ENTPD7: variants seen among roughly 807,000 people sequenced by gnomAD.
ENTPD7 encodes ectonucleoside triphosphate diphosphohydrolase 7, also known as NTPDase 7.
ENTPD7 carries 53 observed loss-of-function variants against 77.9 expected under a neutral mutation model. That is an observed-to-expected ratio of 0.68 (90% CI 0.55 to 0.85). The LOEUF (loss-of-function observed/expected upper bound fraction) is 0.85. Among genes scored for constraint, ENTPD7 ranks in the 40% least tolerant of loss-of-function variants. ENTPD7 has a pLI of 0.00. For synonymous variants in ENTPD7, 248 were observed against 274.9 expected (o/e 0.90, Z 0.97); for missense variants, 636 against 743.7 (o/e 0.86, Z 1.68).
intron 6 of ENTPD7, among the ~76,000 whole-genome samples, chr10:99,688,223 G>A (rs1281920976): frequency 6.6e-6 from 1 of 151,988 alleles, no homozygotes; most frequent in Admixed American, 6.5e-5. Context: ...TATCTGAGGG[G>A]GAAAAAATGG....
chr10:99,679,626 T>G, intron 4 of ENTPD7, 99 bp from the exon 5 acceptor site: 1 of 1,480,388 alleles, frequency 6.8e-7, no homozygotes, highest in Non-Finnish European at 9.1e-7. Flanking sequence ...AATAAATGTT[T>G]AGGACCTTGA....
intron 3 of ENTPD7, among the ~76,000 whole-genome samples, chr10:99,674,054 C>A (rs979051834): frequency 6.6e-6 from 1 of 152,094 alleles, no homozygotes; most frequent in African/African-American, 2.4e-5. Flanking sequence ...AAGGAAGAGG[C>A]CTTTTCAAAT....
chr10:99,661,250 G>T (rs994462834), intron 2 of ENTPD7, among the ~76,000 whole-genome samples, 196 bp from the exon 3 acceptor site: 1 of 152,116 alleles, frequency 6.6e-6, no homozygotes, highest in East Asian at 1.9e-4. Context: ...TTGGAAAAAG[G>T]GCAGATAAGG....
intron 3 of ENTPD7, among the ~76,000 whole-genome samples, chr10:99,677,193 G>C (rs1189421332): frequency 6.6e-6 from 1 of 151,918 alleles, no homozygotes; most frequent in Admixed American, 6.6e-5. Flanking sequence ...TCACTTACAT[G>C]GGCTTTTTTT....
At chr10:99,660,443 A>G in intron 2 of ENTPD7, 1 of 980,140 alleles carries the variant, frequency 1.0e-6, no homozygotes, top group Non-Finnish European at 1.4e-6. Context: ...CAATAAGGGA[A>G]AGTTATAAAA....
Position 99,710,956 on chromosome 10 carries a change from C to A in ENTPD7, c.*6273C>A. The A allele has an allele frequency of 1.0e-6, 1 of 985,278 alleles. No individual in the cohort carries two copies. Among genetic ancestry groups the A allele is most frequent in the Non-Finnish European group, 1.2e-6 (1 of 829,830 alleles). 61.0% of individuals were successfully genotyped at this position (985,278 alleles called of 1,614,324 possible). A position where few individuals can be genotyped will look rare whatever the true frequency, so the allele number is the denominator to read the frequency against. On this transcript the variant is annotated 3_prime_UTR_variant, in exon 13 of 13. Transcript: ENST00000370489. ...GACCTTTGAAAATATTAAGGGAAAT[C>A]TATTTAATCCTATAGGTATGTGATG...
intron 3 of ENTPD7, among the ~76,000 whole-genome samples, chr10:99,664,450 C>CTTT (rs1209558702): frequency 7.6e-6 from 1 of 131,310 alleles, no homozygotes; most frequent in Non-Finnish European, 1.7e-5. Context: ...TTTACATTTT[C>CTTT]TTTTTTTTTT....
chr10:99,703,770 T>C (rs1404165333), intron 12 of ENTPD7, among the ~76,000 whole-genome samples: 1 of 152,182 alleles, frequency 6.6e-6, no homozygotes, highest in Admixed American at 6.5e-5. Context: ...AGGCTGAGTG[T>C]GGTGGCAGTG....
intron 3 of ENTPD7, among the ~76,000 whole-genome samples, chr10:99,672,831 G>A (rs2035633023): frequency 6.6e-6 from 1 of 152,186 alleles, no homozygotes; most frequent in Non-Finnish European, 1.5e-5. Flanking sequence ...CAAAGAATTA[G>A]TAGCCCCATA....
At position 99,698,774 on chromosome 10, in the gene ENTPD7, C is replaced by A; in HGVS notation, c.1251C>A (p.Gly417=). 6.2e-7 allele frequency: 1 copy of A among 1,614,234 alleles called. No individual in the cohort carries two copies. The highest frequency in any genetic ancestry group is 8.5e-7 in the Non-Finnish European group (1 of 1,180,050). ...ACTTCAACAACAGCGAGTTCTACGG[C>A]TTCTCTGAGTTTTTTTATTGTACAG... ...PIDFNNSEFY[G]FSEFFYCTED... The change falls in exon 10 of 13, where the codon GGC becomes GGA. Residue 417 remains glycine, a synonymous_variant. Coordinates refer to ENST00000370489, the MANE Select transcript of ENTPD7 (RefSeq NM_020354.5).
Position 99,710,346 on chromosome 10 carries a change from T to A in ENTPD7, c.*5663T>A, listed in dbSNP as rs1029593893. ...TGAAATTCTCATTCCACAATTACCC[T>A]TTAGTTGAAGTCCTGAAGTACATGC... On this transcript the variant is annotated 3_prime_UTR_variant, in exon 13 of 13. Transcript: ENST00000370489. The A allele has an allele frequency of 1.2e-5, 12 of 985,300 alleles. No homozygotes were observed. The African/African-American group carries it at 1.7e-4, about 14-fold the overall frequency. The allele number at this position is 985,300 out of a possible 1,614,324, so 61.0% of individuals were successfully genotyped here.
At chr10:99,679,647 AT>A in intron 4 of ENTPD7, 77 bp from the exon 5 acceptor site, 1 of 1,519,614 alleles carries the variant, frequency 6.6e-7, no homozygotes, top group Non-Finnish European at 8.8e-7. Flanking sequence ...GGAGAACTTT[AT>A]AGGGTATCAG....
intron 3 of ENTPD7, among the ~76,000 whole-genome samples, chr10:99,665,566 G>A (rs2035538855): frequency 6.6e-6 from 1 of 152,156 alleles, no homozygotes; most frequent in Non-Finnish European, 1.5e-5. Context: ...GCCACTATGT[G>A]CAGACGATAA....
chr10:99,668,088 C>T (rs984560147), intron 3 of ENTPD7, among the ~76,000 whole-genome samples: 1 of 151,832 alleles, frequency 6.6e-6, no homozygotes, highest in Non-Finnish European at 1.5e-5. Flanking sequence ...GTGCGCACCA[C>T]CATGCCCGGC....
At chr10:99,660,368 A>T in intron 2 of ENTPD7, 1 of 1,157,592 alleles carries the variant, frequency 8.6e-7, no homozygotes, top group Middle Eastern at 2.5e-4. Flanking sequence ...ACAGATGAAT[A>T]CACTTATCCA....
chr10:99,681,899 G>C (rs1477529692), intron 5 of ENTPD7, among the ~76,000 whole-genome samples: 1 of 152,194 alleles, frequency 6.6e-6, no homozygotes, highest in Non-Finnish European at 1.5e-5. Flanking sequence ...TTGCTGTTGA[G>C]TTGTAGGAGT....
intron 10 of ENTPD7, among the ~76,000 whole-genome samples, chr10:99,700,502 CTGTTT>C (rs1304523791): frequency 2.0e-5 from 3 of 151,550 alleles, no homozygotes; most frequent in Non-Finnish European, 4.4e-5. Context: ...GAATTTTTGT[CTGTTT>C]TATTTACTGC....
chr10:99,710,168 A>G lies in ENTPD7; in HGVS notation c.*5485A>G, dbSNP rs2036337095. Reference sequence around the variant, plus strand: ...TTCTCCACTCCAAGGCAGCCCTGGTACTTTCCTAAGTGGCCCCTCCTACAG... The same window carrying G: ...TTCTCCACTCCAAGGCAGCCCTGGTGCTTTCCTAAGTGGCCCCTCCTACAG... On this transcript the variant is annotated 3_prime_UTR_variant, in exon 13 of 13. Coordinates refer to ENST00000370489, the MANE Select transcript of ENTPD7 (RefSeq NM_020354.5). 1.0e-6 allele frequency: 1 copy of G among 985,254 alleles called. No individual in the cohort carries two copies. Among genetic ancestry groups the G allele is most frequent in the Non-Finnish European group, 1.2e-6 (1 of 829,928 alleles). 61.0% of individuals were successfully genotyped at this position (985,254 alleles called of 1,614,324 possible).
At chr10:99,696,867 G>A (rs1453437221) in intron 9 of ENTPD7, among the ~76,000 whole-genome samples, 4 of 152,194 alleles carry the variant, frequency 2.6e-5, no homozygotes, top group African/African-American at 4.8e-5. Flanking sequence ...TTGTGGTGGC[G>A]TAGGTAGGGC....
Sources: gnomAD v4.1 joint callset for allele counts (sites outside exome capture counted in the v4.1 genomes callset) on GRCh38, gnomAD v4.1.1 for gene constraint, MANE v1.5 for transcripts, NCBI Gene and HGNC (gene_info 2026-07-23, HGNC 2026-07-21) for gene names.